The following BACH2 variants were observed in gnomAD, a reference collection of about 807,000 sequenced individuals.
BACH2 encodes the protein transcription regulator protein BACH2.
BACH2 carries 5 observed loss-of-function variants against 61.8 expected under a neutral mutation model. The observed-to-expected ratio is 0.08, with a 90% CI of 0.04 to 0.17. The LOEUF (loss-of-function observed/expected upper bound fraction) is 0.17, where lower values mean the gene tolerates loss of function less well. Ranked by LOEUF, BACH2 falls within the 10% of genes least tolerant of loss-of-function variation. BACH2 has a pLI of 1.00. For missense variants in BACH2, 824 were observed against 1,091.1 expected (o/e 0.76, Z 3.45); for synonymous variants, 446 against 440.1 (o/e 1.01, Z -0.17).
At chr6:90,042,851 G>C (rs764816479) in intron 5 of BACH2, among the ~76,000 whole-genome samples, 5 of 152,106 alleles carry the variant, frequency 3.3e-5, no homozygotes, top group African/African-American at 9.7e-5. Context: ...ATAGAATATG[G>C]GTCAGAAGAG....
chr6:89,969,790 G>C (rs142526496), intron 6 of BACH2, among the ~76,000 whole-genome samples: 168 of 152,282 alleles, frequency 1.1e-3, no homozygotes, highest in Non-Finnish European at 2.1e-3. Flanking sequence ...GAAAACCATG[G>C]AGCAAAACAG....
chr6:90,296,648 A>G lies in BACH2; in HGVS notation c.-614T>C. The G allele has an allele frequency of 6.6e-6, 1 of 151,914 alleles. No individual in the cohort carries two copies. The highest frequency in any genetic ancestry group is 2.4e-5 in the African/African-American group (1 of 41,148). The allele number at this position is 151,914 out of a possible 1,614,324, so 9.4% of individuals were successfully genotyped here. A position where few individuals can be genotyped will look rare whatever the true frequency, so the allele number is the denominator to read the frequency against. On this transcript the variant is annotated 5_prime_UTR_variant, in exon 1 of 9. Transcript: ENST00000257749. ...TTCCCAGCCCCCCGAGTGCGCCGGG[A>G]AGGGGGAGGGGAAGGGGCGAGGGGA... is the stretch of plus-strand genomic sequence containing the variant.
intron 1 of BACH2, among the ~76,000 whole-genome samples, chr6:90,296,103 G>C (rs1000454580): frequency 3.9e-5 from 6 of 151,988 alleles, no homozygotes; most frequent in Admixed American, 6.6e-5. Context: ...CGGCTCGCGC[G>C]GACGCGCGCC....
At chr6:90,219,995 GAA>G (rs1769685908) in intron 3 of BACH2, among the ~76,000 whole-genome samples, 1 of 151,720 alleles carries the variant, frequency 6.6e-6, no homozygotes, top group Non-Finnish European at 1.5e-5. Context: ...AGCCCACATT[GAA>G]AGAGATGACA....
chr6:90,082,860 C>A (rs1439014323), intron 5 of BACH2, among the ~76,000 whole-genome samples: 1 of 152,148 alleles, frequency 6.6e-6, no homozygotes, highest in Non-Finnish European at 1.5e-5. Context: ...AAGGACCCAG[C>A]ATACTAATCT....
chr6:89,977,913 C>A (rs1022520217), intron 6 of BACH2, among the ~76,000 whole-genome samples: 1 of 152,160 alleles, frequency 6.6e-6, no homozygotes, highest in African/African-American at 2.4e-5. Flanking sequence ...AAGTGCTGAG[C>A]GTACGCTGGA....
chr6:90,282,047 A>T (rs1193663054), intron 1 of BACH2, among the ~76,000 whole-genome samples: 2 of 152,078 alleles, frequency 1.3e-5, no homozygotes, highest in Non-Finnish European at 2.9e-5. Flanking sequence ...ATCACAGTGT[A>T]TAAATACCTC....
chr6:90,050,557 G>C (rs1295044740), intron 5 of BACH2, among the ~76,000 whole-genome samples: 1 of 152,042 alleles, frequency 6.6e-6, no homozygotes, highest in Non-Finnish European at 1.5e-5. Context: ...GACATTAAAG[G>C]TATTGGGGAA....
chr6:90,186,398 C>G (rs1768356879), intron 4 of BACH2, among the ~76,000 whole-genome samples: 1 of 152,144 alleles, frequency 6.6e-6, no homozygotes, highest in African/African-American at 2.4e-5. Flanking sequence ...AAAATATAAC[C>G]AAGGTTACTG....
chr6:90,141,090 G>C (rs535098286), intron 4 of BACH2, among the ~76,000 whole-genome samples: 1 of 152,282 alleles, frequency 6.6e-6, no homozygotes, highest in East Asian at 1.9e-4. Context: ...ATAAGGTTAA[G>C]AAACTTAAGG....
intron 3 of BACH2, among the ~76,000 whole-genome samples, chr6:90,223,227 C>T (rs1769799502): frequency 6.6e-6 from 1 of 152,152 alleles, no homozygotes; most frequent in Non-Finnish European, 1.5e-5. Context: ...GCTGAGTACC[C>T]ACCACATGTT....
chr6:90,162,195 G>A (rs1344337248), intron 4 of BACH2, among the ~76,000 whole-genome samples: 1 of 152,154 alleles, frequency 6.6e-6, no homozygotes, highest in Non-Finnish European at 1.5e-5. Context: ...TAAATTGATG[G>A]AGCTTTATAA....
intron 1 of BACH2, among the ~76,000 whole-genome samples, chr6:90,274,764 A>G (rs538751382): frequency 6.6e-6 from 1 of 152,358 alleles, no homozygotes; most frequent in African/African-American, 2.4e-5. Context: ...AGATTCTGTC[A>G]TTGAGACCTG....
chr6:90,039,028 G>GA lies in BACH2; in HGVS notation c.-12-30173dup, dbSNP rs1310723820. Among the ~76,000 whole-genome samples, 16 of 145,070 alleles carry GA rather than the reference G, an allele frequency of 1.1e-4. No homozygotes were observed. In the East Asian group the frequency reaches 2.8e-3, roughly 26 times the overall value. On this transcript the variant is annotated intron_variant, in intron 5 of 8. Coordinates refer to ENST00000257749, the MANE Select transcript of BACH2 (RefSeq NM_021813.4). Reference sequence around the variant, plus strand: ...GCACCCCAGCCTGGGAAACAAGAGTGAAACTCCGTCTCCAAAAAAAAAAAA... The same window carrying GA: ...GCACCCCAGCCTGGGAAACAAGAGTGAAAACTCCGTCTCCAAAAAAAAAAAA...
chr6:89,949,076 T>C (rs1438057039), intron 7 of BACH2, among the ~76,000 whole-genome samples: 2 of 152,204 alleles, frequency 1.3e-5, no homozygotes, highest in African/African-American at 4.8e-5. Flanking sequence ...TTGCAGAGGC[T>C]GAATAAACTG....
rs1397440551 is a variant in BACH2 at position 89,930,266 on chromosome 6, T to C, written c.*2142A>G. ...TTTTTTTTTTTTTTATCCTACTGCA[T>C]GAACTGACAAATTTCTGGCATTCAT... On this transcript the variant is annotated 3_prime_UTR_variant, in exon 9 of 9. Coordinates refer to ENST00000257749, the MANE Select transcript of BACH2 (RefSeq NM_021813.4). 8.2e-6 allele frequency: 1 copy of C among 121,926 alleles called. No individual in the cohort carries two copies. The highest frequency in any genetic ancestry group is 1.6e-5 in the Non-Finnish European group (1 of 62,066). The allele number at this position is 121,926 out of a possible 1,614,324, so 7.6% of individuals were successfully genotyped here.
intron 7 of BACH2, among the ~76,000 whole-genome samples, chr6:89,947,710 C>T (rs535193533): frequency 2.3e-4 from 35 of 151,836 alleles, no homozygotes; most frequent in Non-Finnish European, 2.1e-4. Flanking sequence ...GGACTACAGG[C>T]GCCCACCACG....
intron 5 of BACH2, among the ~76,000 whole-genome samples, chr6:90,070,783 G>A (rs1296043093): frequency 6.6e-6 from 1 of 152,088 alleles, no homozygotes; most frequent in East Asian, 1.9e-4. Flanking sequence ...TTTTAGTTCT[G>A]CTTTTGCTAG....
intron 5 of BACH2, among the ~76,000 whole-genome samples, chr6:90,084,224 T>C (rs369697851): frequency 1.2e-3 from 179 of 152,160 alleles, no homozygotes; most frequent in African/African-American, 4.2e-3. Flanking sequence ...GCACATCTGA[T>C]TCCTGCGAAT....
Sources: allele counts gnomAD v4.1 joint callset (sites outside exome capture counted in the v4.1 genomes callset), GRCh38; gene constraint gnomAD v4.1.1; transcripts MANE v1.5; gene names NCBI Gene and HGNC (gene_info 2026-07-23, HGNC 2026-07-21).